The following GSG1L variants were observed in gnomAD, a reference collection of about 807,000 sequenced individuals.
The protein encoded by GSG1L is GSG1 like.
In GSG1L, 24 loss-of-function variants were observed where a neutral mutation model predicts 42.1. The ratio of observed to expected loss-of-function variants is 0.57; its 90% CI spans 0.41 to 0.80. The LOEUF is 0.80. Ranked by LOEUF, GSG1L falls within the 30% of genes least tolerant of loss-of-function variation. The pLI is 0.00. For synonymous variants in GSG1L, 215 were observed against 203.5 expected (o/e 1.06, Z -0.48); for missense variants, 445 against 472.2 (o/e 0.94, Z 0.53).
At chr16:27,824,726 G>T (rs918886163) in intron 5 of GSG1L, among the ~76,000 whole-genome samples, 2 of 152,226 alleles carry the variant, frequency 1.3e-5, no homozygotes, top group African/African-American at 4.8e-5. Context: ...GCTGTTAGGA[G>T]CCATTGGAAC....
chr16:27,872,572 T>C (rs1320005456), intron 3 of GSG1L, among the ~76,000 whole-genome samples: 2 of 152,118 alleles, frequency 1.3e-5, no homozygotes, highest in African/African-American at 4.8e-5. Context: ...GCCGTCCAAG[T>C]CACAGCATGA....
intron 1 of GSG1L, among the ~76,000 whole-genome samples, chr16:27,975,091 G>A (rs980854395): frequency 3.3e-5 from 5 of 152,030 alleles, no homozygotes; most frequent in Non-Finnish European, 7.4e-5. Context: ...CTTGAGAATC[G>A]GTCTTTCCAA....
intron 4 of GSG1L, among the ~76,000 whole-genome samples, chr16:27,833,389 T>A (rs2083291977): frequency 6.6e-6 from 1 of 152,184 alleles, no homozygotes; most frequent in Non-Finnish European, 1.5e-5. Context: ...CAGTCTGGAG[T>A]ATTGTAGCTA....
At chr16:27,809,472 CTCGGCTGAGGTGGGAGGA>C (rs1161237989) in intron 5 of GSG1L, among the ~76,000 whole-genome samples, 2 of 151,122 alleles carry the variant, frequency 1.3e-5, no homozygotes, top group Non-Finnish European at 2.9e-5. Flanking sequence ...CAGCTACAGT[CTCGGCTGAGGTGGGAGGA>C]TCGCTTGAGC....
chr16:27,880,820 T>C (rs897592788), intron 3 of GSG1L, among the ~76,000 whole-genome samples: 10 of 151,276 alleles, frequency 6.6e-5, no homozygotes, highest in Middle Eastern at 6.8e-3. Context: ...CTTGGAAAAA[T>C]GGAGGGGATT....
At chr16:27,964,336 A>T (rs982095865) in intron 1 of GSG1L, among the ~76,000 whole-genome samples, 1 of 152,152 alleles carries the variant, frequency 6.6e-6, no homozygotes, top group African/African-American at 2.4e-5. Flanking sequence ...AAAAAAAAAA[A>T]AAATGTGCAT....
intron 5 of GSG1L, among the ~76,000 whole-genome samples, chr16:27,827,181 G>A (rs72782146): frequency 6.6e-6 from 1 of 152,316 alleles, no homozygotes; most frequent in Non-Finnish European, 1.5e-5. Flanking sequence ...CACATAACTT[G>A]TGCTCCATAA....
intron 5 of GSG1L, among the ~76,000 whole-genome samples, chr16:27,816,002 A>G (rs2083089588): frequency 6.6e-6 from 1 of 152,164 alleles, no homozygotes; most frequent in Admixed American, 6.5e-5. Context: ...AGCTCAAGCT[A>G]TTTAGAGCAG....
chr16:27,925,949 A>G (rs1275142357), intron 2 of GSG1L, among the ~76,000 whole-genome samples: 1 of 152,240 alleles, frequency 6.6e-6, no homozygotes, highest in Non-Finnish European at 1.5e-5. Context: ...ATTTATGCCA[A>G]CATCAGAGGA....
At chr16:27,938,845 A>G (rs1181632404) in intron 2 of GSG1L, among the ~76,000 whole-genome samples, 2 of 152,228 alleles carry the variant, frequency 1.3e-5, no homozygotes, top group Non-Finnish European at 2.9e-5. Flanking sequence ...CTTAAACCAC[A>G]AAGAGCAGCC....
At chr16:27,857,612 A>C (rs912123020) in intron 3 of GSG1L, among the ~76,000 whole-genome samples, 7 of 151,912 alleles carry the variant, frequency 4.6e-5, no homozygotes, top group African/African-American at 1.2e-4. Context: ...CTCTGAGATA[A>C]ATGGGAGTGT....
At chr16:27,916,085 T>C (rs946977372) in intron 2 of GSG1L, among the ~76,000 whole-genome samples, 15 of 152,148 alleles carry the variant, frequency 9.9e-5, no homozygotes, top group Non-Finnish European at 1.9e-4. Flanking sequence ...CCTGGAAGGT[T>C]ATGGTGATTC....
chr16:27,907,225 A>T (rs1174810140), intron 2 of GSG1L, among the ~76,000 whole-genome samples: 2 of 152,078 alleles, frequency 1.3e-5, no homozygotes, highest in African/African-American at 4.8e-5. Context: ...GCCAGTACAG[A>T]CCCCCTCAGA....
intron 3 of GSG1L, among the ~76,000 whole-genome samples, chr16:27,864,552 G>A (rs770779117): frequency 2.6e-5 from 4 of 152,208 alleles, no homozygotes; most frequent in Non-Finnish European, 4.4e-5. Flanking sequence ...AAAGGTGGCT[G>A]CTCTCCCCTG....
At chr16:27,952,141 T>C (rs2084957111) in intron 2 of GSG1L, among the ~76,000 whole-genome samples, 1 of 152,234 alleles carries the variant, frequency 6.6e-6, no homozygotes, top group Non-Finnish European at 1.5e-5. Flanking sequence ...TAAGCCCAAA[T>C]GGGCCACCCA....
intron 1 of GSG1L, among the ~76,000 whole-genome samples, chr16:28,023,528 T>G (rs1452537073): frequency 6.6e-6 from 1 of 152,172 alleles, no homozygotes; most frequent in Non-Finnish European, 1.5e-5. Context: ...CAGTGACAAA[T>G]TGTTGTCCAT....
intron 2 of GSG1L, among the ~76,000 whole-genome samples, chr16:27,894,962 A>C (rs2084174509): frequency 6.6e-6 from 1 of 152,156 alleles, no homozygotes; most frequent in South Asian, 2.1e-4. Context: ...AGAGAACTAC[A>C]GTGAGACCAA....
intron 2 of GSG1L, among the ~76,000 whole-genome samples, chr16:27,948,572 C>T (rs1438476145): frequency 1.3e-5 from 2 of 149,410 alleles, no homozygotes; most frequent in African/African-American, 4.9e-5. Context: ...CGTGATTCCA[C>T]CATGTTGGCC....
chr16:28,043,422 A>G (rs1359296211), intron 1 of GSG1L, among the ~76,000 whole-genome samples: 1 of 152,222 alleles, frequency 6.6e-6, no homozygotes, highest in Admixed American at 6.5e-5. Context: ...GAACTTTCTA[A>G]ACTATTTTGG....
Sources: allele counts gnomAD v4.1 joint callset (sites outside exome capture counted in the v4.1 genomes callset), GRCh38; gene constraint gnomAD v4.1.1; transcripts MANE v1.5; gene names NCBI Gene and HGNC (gene_info 2026-07-23, HGNC 2026-07-21).